NKAIN2: variants seen among roughly 807,000 people sequenced by gnomAD.
The protein encoded by NKAIN2 is sodium/potassium-transporting ATPase subunit beta-1-interacting protein 2.
Under a neutral mutation model 32.6 loss-of-function variants are expected in NKAIN2, and 14 were observed. That is an observed-to-expected ratio of 0.43 (90% confidence interval 0.28 to 0.67). The LOEUF (loss-of-function observed/expected upper bound fraction) is 0.67, where lower values mean the gene tolerates loss of function less well. NKAIN2 is among the 30% of genes least tolerant of loss of function. The pLI is 0.17. For synonymous variants in NKAIN2, 80 were observed against 87.2 expected (o/e 0.92, Z 0.46); for missense variants, 198 against 258.3 (o/e 0.77, Z 1.60).
At chr6:124,554,927 C>G (rs1780418790) in intron 3 of NKAIN2, among the ~76,000 whole-genome samples, 1 of 152,168 alleles carries the variant, frequency 6.6e-6, no homozygotes, top group Non-Finnish European at 1.5e-5. Context: ...GCATCTGCTG[C>G]TGAATCCCTC....
intron 1 of NKAIN2, among the ~76,000 whole-genome samples, chr6:123,842,441 C>T (rs987826291): frequency 3.3e-5 from 5 of 152,088 alleles, no homozygotes; most frequent in Non-Finnish European, 7.4e-5. Context: ...AGAGCCCTAT[C>T]CTTATGACCT....
chr6:124,345,813 GT>G (rs1798393830), intron 2 of NKAIN2, among the ~76,000 whole-genome samples: 1 of 152,066 alleles, frequency 6.6e-6, no homozygotes, highest in Admixed American at 6.6e-5. Context: ...TTTTTGAAGG[GT>G]TTTTTATGTC....
chr6:124,598,383 G>A (rs1054014629), intron 3 of NKAIN2, among the ~76,000 whole-genome samples: 5 of 152,132 alleles, frequency 3.3e-5, no homozygotes, highest in Non-Finnish European at 7.4e-5. Flanking sequence ...GTACCAGTAA[G>A]TTTAAAACTC....
At chr6:124,204,711 G>A (rs1790769608) in intron 1 of NKAIN2, among the ~76,000 whole-genome samples, 1 of 151,558 alleles carries the variant, frequency 6.6e-6, no homozygotes, top group South Asian at 2.1e-4. Flanking sequence ...TGATTAGATT[G>A]CTAGCATATT....
intron 1 of NKAIN2, among the ~76,000 whole-genome samples, chr6:124,017,324 C>T (rs552103397): frequency 3.3e-5 from 5 of 152,170 alleles, no homozygotes; most frequent in East Asian, 1.9e-4. Flanking sequence ...GATAAGATTT[C>T]GGTGGGGACA....
chr6:124,335,951 CT>C (rs1797843523), intron 2 of NKAIN2, among the ~76,000 whole-genome samples: 1 of 152,082 alleles, frequency 6.6e-6, no homozygotes, highest in African/African-American at 2.4e-5. Context: ...CTAATATTTA[CT>C]TAGGGAAAAC....
chr6:124,216,498 A>C (rs78946303), intron 1 of NKAIN2, among the ~76,000 whole-genome samples: 1 of 152,100 alleles, frequency 6.6e-6, no homozygotes, highest in East Asian at 1.9e-4. Context: ...GCCAAGCAAC[A>C]CTCTGCCTTC....
intron 1 of NKAIN2, among the ~76,000 whole-genome samples, chr6:124,275,008 T>A (rs1482614464): frequency 6.6e-6 from 1 of 152,118 alleles, no homozygotes; most frequent in Non-Finnish European, 1.5e-5. Flanking sequence ...ATTTTTGTGC[T>A]CTAGAGTTAA....
At chr6:124,519,785 T>C (rs1183318066) in intron 3 of NKAIN2, among the ~76,000 whole-genome samples, 1 of 152,186 alleles carries the variant, frequency 6.6e-6, no homozygotes, top group Admixed American at 6.5e-5. Context: ...TTTTAAAAAA[T>C]AAAAAACATG....
intron 1 of NKAIN2, among the ~76,000 whole-genome samples, chr6:124,196,822 T>C (rs1338708091): frequency 6.6e-6 from 1 of 151,980 alleles, no homozygotes; most frequent in African/African-American, 2.4e-5. Context: ...AAAAGTTTAT[T>C]CGTGCTTGCT....
intron 1 of NKAIN2, among the ~76,000 whole-genome samples, chr6:124,072,711 A>T (rs1020930996): frequency 1.3e-5 from 2 of 152,136 alleles, no homozygotes; most frequent in Non-Finnish European, 2.9e-5. Flanking sequence ...AAGTTCCTTG[A>T]TTTCCAAGAA....
chr6:124,125,698 T>C (rs889939032), intron 1 of NKAIN2, among the ~76,000 whole-genome samples: 2 of 152,246 alleles, frequency 1.3e-5, no homozygotes, highest in African/African-American at 2.4e-5. Flanking sequence ...AGAGCAGTTT[T>C]AAGCTCTAGA....
chr6:124,626,941 C>T (rs561468114), intron 3 of NKAIN2, among the ~76,000 whole-genome samples: 1 of 152,246 alleles, frequency 6.6e-6, no homozygotes, highest in Non-Finnish European at 1.5e-5. Context: ...AGTGTAACCA[C>T]TGCATCAACT....
chr6:124,093,095 C>G (rs1784501390), intron 1 of NKAIN2, among the ~76,000 whole-genome samples: 1 of 152,108 alleles, frequency 6.6e-6, no homozygotes, highest in Admixed American at 6.6e-5. Flanking sequence ...ATGATTTCCT[C>G]TGGGCATTTT....
rs532800774 is a variant in NKAIN2 at position 124,033,148 on chromosome 6, T to TA, written c.54+228901dup. Among the ~76,000 whole-genome samples the TA allele has an allele frequency of 3.1e-4, 47 of 152,146 alleles. No individual in the cohort carries two copies. The East Asian group carries it at 8.5e-3, about 28-fold the overall frequency. ...CAAATGATTCACAATATAAAAAGTT[T>TA]AAAAAAATCACACAATGAATTCGCT... On this transcript the variant is annotated intron_variant, in intron 1 of 6. Coordinates refer to ENST00000368417, the MANE Select transcript of NKAIN2 (RefSeq NM_001040214.3).
chr6:123,843,968 G>A (rs1004420575), intron 1 of NKAIN2, among the ~76,000 whole-genome samples: 1 of 152,192 alleles, frequency 6.6e-6, no homozygotes, highest in African/African-American at 2.4e-5. Context: ...TGGTTCATGA[G>A]ATTCCCGTAA....
chr6:124,044,971 G>T lies in NKAIN2; in HGVS notation c.55-238034G>T, dbSNP rs77101365. 4.0e-4 allele frequency among the ~76,000 whole-genome samples: 61 copies of T among 151,980 alleles called. No homozygotes were observed. The East Asian group carries it at 9.5e-3, about 24-fold the overall frequency. On this transcript the variant is annotated intron_variant, in intron 1 of 6. Coordinates refer to ENST00000368417, the MANE Select transcript of NKAIN2 (RefSeq NM_001040214.3). ...TTTTAGCACAGTTTGACTCCCACAG[G>T]CACCCAAAACTGCGTTTTCTGATAT...
chr6:124,389,715 TTGTGTGTGTGTG>T (rs3052704), intron 3 of NKAIN2, among the ~76,000 whole-genome samples: 6,383 of 141,974 alleles, frequency 0.045, 417 homozygotes, highest in African/African-American at 0.17. Context: ...CTGTGTACAT[TTGTGTGTGTGTG>T]TGTGTGTGTG....
intron 3 of NKAIN2, among the ~76,000 whole-genome samples, chr6:124,406,655 C>A (rs1302320154): frequency 1.3e-5 from 2 of 151,894 alleles, no homozygotes; most frequent in African/African-American, 4.8e-5. Context: ...AGCAAAACTG[C>A]CAAGCAGTTT....
Sources: gnomAD v4.1 joint callset for allele counts (sites outside exome capture counted in the v4.1 genomes callset) on GRCh38, gnomAD v4.1.1 for gene constraint, MANE v1.5 for transcripts, NCBI Gene and HGNC (gene_info 2026-07-23, HGNC 2026-07-21) for gene names.